The following CNTNAP2 variants were observed in gnomAD, a reference collection of about 807,000 sequenced individuals.
CNTNAP2 encodes contactin-associated protein-like 2.
Under a neutral mutation model 155.2 loss-of-function variants are expected in CNTNAP2, and 98 were observed. That is an observed-to-expected ratio of 0.63 (90% CI 0.54 to 0.75). The LOEUF is 0.75. CNTNAP2 is among the 30% of genes least tolerant of loss of function. The pLI is 0.00. For missense variants in CNTNAP2, 1,727 were observed against 1,688.1 expected, an observed-to-expected ratio of 1.02 and a Z score of -0.40; for synonymous variants, 651 against 631.2, an observed-to-expected ratio of 1.03 and a Z score of -0.47.
At chr7:147,480,372 G>A (rs1389272867) in intron 10 of CNTNAP2, among the ~76,000 whole-genome samples, 1 of 152,128 alleles carries the variant, frequency 6.6e-6, no homozygotes, top group African/African-American at 2.4e-5. Flanking sequence ...GTGTAAAGTT[G>A]GCATTAGTCT....
At chr7:147,333,197 T>TTCCTGG (rs1795603757) in intron 9 of CNTNAP2, among the ~76,000 whole-genome samples, 1 of 152,118 alleles carries the variant, frequency 6.6e-6, no homozygotes, top group African/African-American at 2.4e-5. Flanking sequence ...GACTGCCACA[T>TTCCTGG]AAAGTTCCTG....
intron 13 of CNTNAP2, among the ~76,000 whole-genome samples, chr7:147,664,853 A>G (rs988647644): frequency 2.0e-5 from 3 of 152,042 alleles, no homozygotes; most frequent in Non-Finnish European, 2.9e-5. Flanking sequence ...CTGGCTCTAA[A>G]CCCACTGCTC....
intron 1 of CNTNAP2, among the ~76,000 whole-genome samples, chr7:146,154,974 A>G (rs115897068): frequency 0.015 from 2,244 of 152,274 alleles, 60 homozygotes; most frequent in African/African-American, 0.051. Flanking sequence ...TGTCACTCAT[A>G]TTGTTCATAA....
chr7:147,824,421 A>G (rs1426831552), intron 13 of CNTNAP2, among the ~76,000 whole-genome samples: 1 of 152,142 alleles, frequency 6.6e-6, no homozygotes, highest in Admixed American at 6.6e-5. Context: ...TTGTGTATGA[A>G]TGTATGGAGA....
At chr7:146,396,810 ATATT>A (rs1461854841) in intron 1 of CNTNAP2, among the ~76,000 whole-genome samples, 1 of 151,712 alleles carries the variant, frequency 6.6e-6, no homozygotes, top group Non-Finnish European at 1.5e-5. Flanking sequence ...TTTTAAATAT[ATATT>A]AGGTAACTGA....
At chr7:147,687,613 G>C (rs1208192928) in intron 13 of CNTNAP2, among the ~76,000 whole-genome samples, 1 of 152,106 alleles carries the variant, frequency 6.6e-6, no homozygotes, top group Non-Finnish European at 1.5e-5. Flanking sequence ...TGTTTTTCTA[G>C]AGCCATATTT....
At chr7:147,347,418 G>T (rs989996657) in intron 9 of CNTNAP2, among the ~76,000 whole-genome samples, 8 of 77,764 alleles carry the variant, frequency 1.0e-4, no homozygotes, top group African/African-American at 3.5e-4. Context: ...TATGTGAAAA[G>T]ATTATATATA....
At chr7:147,462,263 TC>T (rs1332168411) in intron 10 of CNTNAP2, among the ~76,000 whole-genome samples, 1 of 152,160 alleles carries the variant, frequency 6.6e-6, no homozygotes, top group Non-Finnish European at 1.5e-5. Flanking sequence ...CGAAAACACT[TC>T]CTGCATTGCA....
rs184802475 is a variant in CNTNAP2, at chr7:147,099,892, C to A, written c.551-8255C>A. On this transcript the variant is annotated intron_variant, in intron 4 of 23. Transcript: ENST00000361727. The stretch of plus-strand genomic sequence containing the variant: ...TCAGTAAACAGCGAAGGCGAGAAGG[C>A]GAGTCTAATTTATTTGACTTTTTGA... 1.6e-3 allele frequency among the ~76,000 whole-genome samples: 236 copies of A among 152,182 alleles called. 2 individuals carry two copies. Among genetic ancestry groups the A allele is most frequent in the African/African-American group, 5.3e-3 (220 of 41,512 alleles).
intron 3 of CNTNAP2, among the ~76,000 whole-genome samples, chr7:146,850,600 G>A (rs901229558): frequency 6.6e-6 from 1 of 152,066 alleles, no homozygotes; most frequent in Non-Finnish European, 1.5e-5. Context: ...AGAAATTGAG[G>A]ATTAGAGAAA....
chr7:147,086,887 G>C (rs1198925245), intron 4 of CNTNAP2, among the ~76,000 whole-genome samples: 3 of 152,182 alleles, frequency 2.0e-5, no homozygotes, highest in Non-Finnish European at 4.4e-5. Context: ...CTTCAGAAAA[G>C]TCTAGTACAG....
chr7:146,715,296 C>A (rs551839325), intron 1 of CNTNAP2, among the ~76,000 whole-genome samples: 1 of 152,088 alleles, frequency 6.6e-6, no homozygotes, highest in Non-Finnish European at 1.5e-5. Context: ...CGTGCCATTG[C>A]GCTCTAGCCT....
Position 146,342,088 on chromosome 7 carries a change from G to A in CNTNAP2, c.97+225115G>A, listed in dbSNP as rs111802299. Among the ~76,000 whole-genome samples the A allele has an allele frequency of 9.6e-3, 1,460 of 152,158 alleles. 18 individuals are homozygous for A. Among genetic ancestry groups the A allele is most frequent in the African/African-American group, 0.031 (1,301 of 41,538 alleles). On this transcript the variant is annotated intron_variant, in intron 1 of 23. Transcript: ENST00000361727. ...AATAAACTCTAAAAATCATGGTCAC[G>A]GAGGTTGAGTCAGATTATGCTTGCC...
chr7:148,049,146 C>T (rs1048342737), intron 15 of CNTNAP2, among the ~76,000 whole-genome samples: 2 of 152,150 alleles, frequency 1.3e-5, no homozygotes, highest in African/African-American at 2.4e-5. Context: ...ACCCAAGAGG[C>T]AGAGGTTGCA....
intron 1 of CNTNAP2, among the ~76,000 whole-genome samples, chr7:146,632,402 A>C (rs1002364243): frequency 2.0e-5 from 3 of 152,146 alleles, no homozygotes; most frequent in African/African-American, 7.2e-5. Context: ...CTAAATATAA[A>C]ATGCCTCAAA....
chr7:147,026,032 G>C (rs1206123107), intron 3 of CNTNAP2, among the ~76,000 whole-genome samples: 1 of 151,920 alleles, frequency 6.6e-6, no homozygotes, highest in Non-Finnish European at 1.5e-5. Flanking sequence ...GCTAATTTTT[G>C]CCTTTTTAGT....
rs767107722 is a variant in CNTNAP2 at position 146,743,174 on chromosome 7, T to TA, written c.98-31090dup. On this transcript the variant is annotated intron_variant, in intron 1 of 23. Coordinates refer to ENST00000361727, the MANE Select transcript of CNTNAP2 (RefSeq NM_014141.6). ...ACTCTGACATAGTGAAATTGATTAG[T>TA]AAAAAAACAATGCTTGTGTTGTAGA... 9.2e-5 allele frequency among the ~76,000 whole-genome samples: 14 copies of TA among 152,264 alleles called. No individual in the cohort carries two copies. In the East Asian group the frequency reaches 2.5e-3, roughly 27 times the overall value.
chr7:146,721,887 A>ATTTTTTTTTTTTTTTTTTT (rs1265800742), intron 1 of CNTNAP2, among the ~76,000 whole-genome samples: 1 of 81,996 alleles, frequency 1.2e-5, no homozygotes, highest in African/African-American at 2.0e-4. Flanking sequence ...ATATATATAT[A>ATTTTTTTTTTTTTTTTTTT]TATTTTTTTT....
At chr7:146,205,898 A>C (rs1798939537) in intron 1 of CNTNAP2, among the ~76,000 whole-genome samples, 1 of 151,908 alleles carries the variant, frequency 6.6e-6, no homozygotes, top group Admixed American at 6.6e-5. Context: ...CTGGGAGAGC[A>C]CAGCAGTAAT....
Sources: gnomAD v4.1 joint callset for allele counts (sites outside exome capture counted in the v4.1 genomes callset) on GRCh38, gnomAD v4.1.1 for gene constraint, MANE v1.5 for transcripts, NCBI Gene and HGNC (gene_info 2026-07-23, HGNC 2026-07-21) for gene names.